Variants in STPG4 observed in about 807,000 individuals in gnomAD.
The protein encoded by STPG4 is sperm-tail PG-rich repeat containing 4.
A neutral mutation model predicts 31.5 loss-of-function variants in STPG4; 41 were observed. The ratio of observed to expected loss-of-function variants is 1.30; its 90% confidence interval spans 1.01 to 1.69. STPG4 has a LOEUF of 1.69. Among genes scored for constraint, STPG4 ranks in the 40% most tolerant of loss-of-function variants. The pLI is 0.00. For synonymous variants in STPG4, 141 were observed against 103.0 expected, an observed-to-expected ratio of 1.37 and a Z score of -2.24; for missense variants, 375 against 293.4, an observed-to-expected ratio of 1.28 and a Z score of -2.03.
chr2:47,120,115 A>G (rs2103766751), intron 5 of STPG4, among the ~76,000 whole-genome samples: 1 of 152,230 alleles, frequency 6.6e-6, no homozygotes, highest in East Asian at 1.9e-4. Flanking sequence ...TGGATCACTT[A>G]AGGTCAGGAG....
At chr2:47,100,573 C>T (rs1341069977) in intron 5 of STPG4, among the ~76,000 whole-genome samples, 3 of 150,756 alleles carry the variant, frequency 2.0e-5, no homozygotes, top group Non-Finnish European at 4.4e-5. Flanking sequence ...TGGCAACCCA[C>T]TCGAGTCCCC....
At chr2:47,088,889 G>A in intron 6 of STPG4, among the ~76,000 whole-genome samples, 1 of 152,164 alleles carries the variant, frequency 6.6e-6, no homozygotes, top group East Asian at 1.9e-4. Flanking sequence ...GTGGAGTCCT[G>A]GGAGGCCAGG....
intron 5 of STPG4, among the ~76,000 whole-genome samples, chr2:47,095,415 C>T (rs1048383476): frequency 6.6e-6 from 1 of 152,282 alleles, no homozygotes. Flanking sequence ...CAAGCCACCA[C>T]GAGCTGCGAA....
chr2:47,105,960 C>T (rs143580427), intron 5 of STPG4, among the ~76,000 whole-genome samples: 1,796 of 151,950 alleles, frequency 0.012, 19 homozygotes, highest in Middle Eastern at 0.02. Flanking sequence ...GAATCTTACA[C>T]TGACAAAGCC....
intron 5 of STPG4, among the ~76,000 whole-genome samples, chr2:47,093,433 T>C (rs1410984239): frequency 6.6e-6 from 1 of 152,312 alleles, no homozygotes; most frequent in South Asian, 2.1e-4. Context: ...AGGAACAGTT[T>C]GTGCAGGAGC....
chr2:47,114,729 A>G (rs1162537596), intron 5 of STPG4, among the ~76,000 whole-genome samples: 1 of 151,732 alleles, frequency 6.6e-6, no homozygotes, highest in East Asian at 1.9e-4. Context: ...AGTCAGTTTC[A>G]CTCCCTCATT....
chr2:47,126,183 C>T (rs1686361235), intron 5 of STPG4, among the ~76,000 whole-genome samples: 1 of 152,108 alleles, frequency 6.6e-6, no homozygotes, highest in African/African-American at 2.4e-5. Flanking sequence ...TCATTTTGCT[C>T]AGGATGACTT....
At chr2:47,108,231 A>G (rs1685963380) in intron 5 of STPG4, among the ~76,000 whole-genome samples, 2 of 151,530 alleles carry the variant, frequency 1.3e-5, no homozygotes, top group Non-Finnish European at 2.9e-5. Context: ...GGGTGGGGCC[A>G]GATAAGAGAA....
intron 6 of STPG4, among the ~76,000 whole-genome samples, chr2:47,087,613 G>A (rs1215689857): frequency 6.6e-6 from 1 of 152,230 alleles, no homozygotes; most frequent in Non-Finnish European, 1.5e-5. Flanking sequence ...TATTGACCCA[G>A]AGTTATTAAA....
At position 47,090,324 on chromosome 2, in the gene STPG4, G is replaced by C. The variant is rs376205400; in HGVS notation, c.570C>G (p.Ser190Arg). ...TGGATTGAAAACAAGAAGTGACAGA[G>C]CTTGTTGGAGGCATTTTCACATTAT... ...GHYNVKMPPT[S>R]SVTSCFQSRV... is the part of the protein sequence containing the mutation. Residue 190 changes from serine to arginine, a missense_variant, in exon 6 of 7, where the codon AGC becomes AGG. By Grantham distance (110) the Ser-to-Arg change is moderately radical (BLOSUM62 -1). Coordinates refer to ENST00000445927, the MANE Select transcript of STPG4 (RefSeq NM_001163561.2). The C allele has an allele frequency of 1.9e-5, 29 of 1,551,952 alleles. No homozygotes were observed. The highest frequency in any genetic ancestry group is 2.5e-5 in the Non-Finnish European group (29 of 1,147,038).
chr2:47,112,248 A>T (rs1686052399), intron 5 of STPG4, among the ~76,000 whole-genome samples: 1 of 151,262 alleles, frequency 6.6e-6, no homozygotes, highest in South Asian at 2.1e-4. Context: ...CTCACTGCAA[A>T]CTCTGCCTCT....
intron 3 of STPG4, among the ~76,000 whole-genome samples, chr2:47,148,585 G>C (rs1019401781): frequency 2.0e-5 from 3 of 151,932 alleles, no homozygotes; most frequent in African/African-American, 7.3e-5. Context: ...CAATGTGCAG[G>C]TTTGTTACAT....
At chr2:47,101,940 T>C (rs1437304746) in intron 5 of STPG4, among the ~76,000 whole-genome samples, 1 of 151,732 alleles carries the variant, frequency 6.6e-6, no homozygotes, top group Non-Finnish European at 1.5e-5. Context: ...TTTTCGAGAA[T>C]GTGTCGGTAA....
chr2:47,130,143 G>T, intron 4 of STPG4, 53 bp downstream of exon 4: 1 of 1,529,252 alleles, frequency 6.5e-7, no homozygotes, highest in Non-Finnish European at 9.1e-7. Flanking sequence ...CAGGAGTATT[G>T]GCGTGTAGGT....
chr2:47,123,997 T>A lies in STPG4; in HGVS notation c.519+5944A>T, dbSNP rs533770792. ...ATTTTATTTATTTATTTATTTATTT[T>A]TTTGAGATGGAGTCTCACTCTGTTG... On this transcript the variant is annotated intron_variant, in intron 5 of 6. Transcript: ENST00000445927. 1.7e-3 allele frequency among the ~76,000 whole-genome samples: 265 copies of A among 151,900 alleles called. 1 individual carries two copies. Among genetic ancestry groups the A allele is most frequent in the African/African-American group, 5.8e-3 (240 of 41,230 alleles).
intron 5 of STPG4, chr2:47,129,235 G>A (rs1686423317): frequency 6.6e-6 from 1 of 152,610 alleles, no homozygotes; most frequent in South Asian, 2.1e-4. Flanking sequence ...TGCAAGCTGT[G>A]CTGCCTGGGG....
At chr2:47,111,536 T>A (rs753034960) in intron 5 of STPG4, among the ~76,000 whole-genome samples, 4 of 152,198 alleles carry the variant, frequency 2.6e-5, no homozygotes, top group Non-Finnish European at 4.4e-5. Context: ...GATTAGGATT[T>A]GTTCCTCTTT....
At chr2:47,095,947 T>A (rs1685661362) in intron 5 of STPG4, among the ~76,000 whole-genome samples, 1 of 152,130 alleles carries the variant, frequency 6.6e-6, no homozygotes, top group African/African-American at 2.4e-5. Context: ...TCTGGGACCA[T>A]GAGGATGGAA....
intron 5 of STPG4, among the ~76,000 whole-genome samples, chr2:47,119,052 T>C (rs1276431368): frequency 6.6e-6 from 1 of 152,202 alleles, no homozygotes; most frequent in Non-Finnish European, 1.5e-5. Flanking sequence ...CACACGAAGG[T>C]TTGAGACATT....
Sources: allele counts gnomAD v4.1 joint callset (sites outside exome capture counted in the v4.1 genomes callset), GRCh38; gene constraint gnomAD v4.1.1; transcripts MANE v1.5; gene names NCBI Gene and HGNC (gene_info 2026-07-23, HGNC 2026-07-21).